Variants in ANKUB1 observed in about 807,000 individuals in gnomAD.
The protein encoded by ANKUB1 is ankyrin repeat and ubiquitin domain containing 1, also known as protein ANKUB1.
A neutral mutation model predicts 49.3 loss-of-function variants in ANKUB1; 42 were observed. The ratio of observed to expected loss-of-function variants is 0.85; its 90% CI spans 0.67 to 1.10. The LOEUF (loss-of-function observed/expected upper bound fraction) is 1.10. ANKUB1 is among the 50% of genes least tolerant of loss of function. ANKUB1 has a pLI of 0.00. For missense variants in ANKUB1, 613 were observed against 642.0 expected (o/e 0.95, Z 0.49); for synonymous variants, 222 against 231.0 (o/e 0.96, Z 0.35).
chr3:149,771,473 T>C (rs1229136187), intron 3 of ANKUB1, among the ~76,000 whole-genome samples: 1 of 152,214 alleles, frequency 6.6e-6, no homozygotes, highest in African/African-American at 2.4e-5. Flanking sequence ...ATTGAAAGGA[T>C]CTTCATCAGA....
rs529637328 is a variant in ANKUB1, at chr3:149,761,234, T to G, written c.*250A>C. The G allele has an allele frequency of 8.2e-4, 265 of 321,352 alleles. No homozygotes were observed. Among genetic ancestry groups the G allele is most frequent in the Non-Finnish European group, 1.3e-3 (237 of 176,856 alleles). 19.9% of individuals were successfully genotyped at this position (321,352 alleles called of 1,614,324 possible). A position where few individuals can be genotyped will look rare whatever the true frequency, so the allele number is the denominator to read the frequency against. On this transcript the variant is annotated 3_prime_UTR_variant, in exon 6 of 6. Transcript: ENST00000446160. ...TTCCATTGTCTCAGCTCCCCTACCC[T>G]GTGGACAACTACTATTCTAAGTTTC...
chr3:149,791,995 T>C (rs1384521426), intron 1 of ANKUB1, among the ~76,000 whole-genome samples: 1 of 152,156 alleles, frequency 6.6e-6, no homozygotes, highest in Non-Finnish European at 1.5e-5. Context: ...TGCAATAATA[T>C]TATCTGGCCT....
intron 3 of ANKUB1, among the ~76,000 whole-genome samples, chr3:149,774,012 GTAGGTC>G (rs1559865521): frequency 1.3e-5 from 2 of 152,142 alleles, no homozygotes; most frequent in Admixed American, 6.5e-5. Flanking sequence ...TGAAAAAGAT[GTAGGTC>G]AGTAACTCAG....
Position 149,767,586 on chromosome 3 carries a change from G to A in ANKUB1, c.1076C>T (p.Ser359Phe). The A allele has an allele frequency of 6.4e-7, 1 of 1,551,680 alleles. No individual in the cohort carries two copies. Among genetic ancestry groups the A allele is most frequent in the Non-Finnish European group, 8.7e-7 (1 of 1,146,992 alleles). ...GTTCCCAGCCTTATGCCAGCTCTTG[G>A]AGGTCATTTTTGGTTTGGTGAAACC... ...VDGFTKPKMT[S>F]KSWHKAGNSD... The change falls in exon 5 of 6, where the codon TCC becomes TTC. Residue 359 changes from serine (S) to phenylalanine (F), a missense_variant. Transcript: ENST00000446160.
intron 5 of ANKUB1, chr3:149,766,818 AGC>A (rs1717040878): frequency 3.1e-6 from 1 of 319,730 alleles, no homozygotes; most frequent in African/African-American, 1.5e-4. Context: ...AAAAAAGAAA[AGC>A]AGCAGCAGCA....
At chr3:149,783,366 G>C (rs1462830573) in intron 2 of ANKUB1, 1 of 152,148 alleles carries the variant, frequency 6.6e-6, no homozygotes. Context: ...ATCATTGTTG[G>C]ACATGTACAA....
At chr3:149,777,630 T>C (rs1228591372) in intron 3 of ANKUB1, among the ~76,000 whole-genome samples, 1 of 152,204 alleles carries the variant, frequency 6.6e-6, no homozygotes. Context: ...CTCAGCAAGG[T>C]TCCTCCGCTC....
At chr3:149,787,949 C>A (rs1257156064) in intron 2 of ANKUB1, among the ~76,000 whole-genome samples, 2 of 152,138 alleles carry the variant, frequency 1.3e-5, no homozygotes, top group Non-Finnish European at 2.9e-5. Flanking sequence ...TTGAACTTTA[C>A]AAAAGTTTTG....
At chr3:149,774,383 G>A (rs1419267758) in intron 3 of ANKUB1, among the ~76,000 whole-genome samples, 2 of 152,158 alleles carry the variant, frequency 1.3e-5, no homozygotes, top group Non-Finnish European at 2.9e-5. Context: ...CGGCCTTACC[G>A]ACTGACAGCT....
At chr3:149,770,278 G>C (rs770187460) in intron 4 of ANKUB1, among the ~76,000 whole-genome samples, 2 of 152,176 alleles carry the variant, frequency 1.3e-5, no homozygotes, top group Non-Finnish European at 2.9e-5. Context: ...ACTGTATGGG[G>C]AGTTGGCATC....
intron 5 of ANKUB1, among the ~76,000 whole-genome samples, chr3:149,763,454 T>C (rs1478237776): frequency 6.6e-6 from 1 of 152,192 alleles, no homozygotes; most frequent in Non-Finnish European, 1.5e-5. Flanking sequence ...CAAAAGGTGA[T>C]TAAAACATAC....
intron 2 of ANKUB1, 43 bp downstream of exon 2, chr3:149,790,738 A>G (rs930756372): frequency 5.3e-6 from 8 of 1,503,524 alleles, no homozygotes; most frequent in East Asian, 5.0e-5. Context: ...TTTATTCAAA[A>G]TGAGATAGAT....
chr3:149,786,338 T>G (rs1006560373), intron 2 of ANKUB1, among the ~76,000 whole-genome samples: 1 of 152,232 alleles, frequency 6.6e-6, no homozygotes, highest in Non-Finnish European at 1.5e-5. Context: ...CCCAGCCTGA[T>G]GAGCATTTTT....
At position 149,777,717 on chromosome 3, in the gene ANKUB1, C is replaced by CGTGG. The variant is rs1717667015; in HGVS notation, c.451+2521_451+2522insCCAC. On this transcript the variant is annotated intron_variant, in intron 3 of 5. Transcript: ENST00000446160. ...CCTCTCAGATGATCCATGGTTCCCA[C>CGTGG]ATCTGTGTGTGCTCCAGCCCCACTT... 2.6e-5 allele frequency among the ~76,000 whole-genome samples: 4 copies of CGTGG among 152,310 alleles called. No homozygotes were observed. The South Asian group carries it at 8.3e-4, about 32-fold the overall frequency.
chr3:149,761,255 GTT>G lies in ANKUB1; in HGVS notation c.*227_*228del. The G allele has an allele frequency of 2.5e-6, 1 of 404,436 alleles. No individual in the cohort carries two copies. Among genetic ancestry groups the G allele is most frequent in the Non-Finnish European group, 4.3e-6 (1 of 233,262 alleles). The allele number at this position is 404,436 out of a possible 1,614,324, so 25.1% of individuals were successfully genotyped here. A position where few individuals can be genotyped will look rare whatever the true frequency, so the allele number is the denominator to read the frequency against. Reference sequence around the variant, plus strand: ...ACCCTGTGGACAACTACTATTCTAAGTTTCTTCTGAATTCTTCCTCATATTCT... The same window carrying G: ...ACCCTGTGGACAACTACTATTCTAAGTCTTCTGAATTCTTCCTCATATTCT... On this transcript the variant is annotated 3_prime_UTR_variant, in exon 6 of 6. Transcript: ENST00000446160.
chr3:149,782,107 A>G (rs781395735), intron 2 of ANKUB1, among the ~76,000 whole-genome samples: 4 of 152,144 alleles, frequency 2.6e-5, no homozygotes, highest in Non-Finnish European at 5.9e-5. Context: ...GAAAAATTAT[A>G]TTTTATGTAA....
intron 5 of ANKUB1, among the ~76,000 whole-genome samples, chr3:149,764,828 C>T (rs1716944214): frequency 6.6e-6 from 1 of 150,978 alleles, no homozygotes; most frequent in African/African-American, 2.4e-5. Context: ...AATTGCCACT[C>T]ATTAATAATT....
chr3:149,767,147 A>G lies in ANKUB1; in HGVS notation c.1505+10T>C, dbSNP rs1395570561. ...CTTTGCTGTTTGTATGTTTAAGGGG[A>G]GAACATTACCTTGCCACAGCTAAGC... On this transcript the variant is annotated intron_variant, in intron 5 of 5. Coordinates refer to ENST00000446160, the MANE Select transcript of ANKUB1 (RefSeq NM_001144960.3). 1.3e-6 allele frequency: 2 copies of G among 1,501,746 alleles called. No individual in the cohort carries two copies. Among genetic ancestry groups the G allele is most frequent in the Non-Finnish European group, 1.8e-6 (2 of 1,125,432 alleles). 93.0% of individuals were successfully genotyped at this position (1,501,746 alleles called of 1,614,324 possible).
At chr3:149,781,363 T>G (rs904951859) in intron 2 of ANKUB1, among the ~76,000 whole-genome samples, 3 of 152,158 alleles carry the variant, frequency 2.0e-5, no homozygotes, top group Non-Finnish European at 4.4e-5. Context: ...AGGAAAAGAT[T>G]ATTATCATTT....
Sources: allele counts gnomAD v4.1 joint callset (sites outside exome capture counted in the v4.1 genomes callset), GRCh38; gene constraint gnomAD v4.1.1; transcripts MANE v1.5; gene names NCBI Gene and HGNC (gene_info 2026-07-23, HGNC 2026-07-21).